Variants in FAT3 observed in about 807,000 individuals in gnomAD.
The protein encoded by FAT3 is FAT atypical cadherin 3, also known as protocadherin Fat 3.
In FAT3, 95 loss-of-function variants were observed where a neutral mutation model predicts 310.2. The observed-to-expected ratio is 0.31, with a 90% CI of 0.26 to 0.36. FAT3 has a LOEUF of 0.36. FAT3 is among the 10% of genes least tolerant of loss of function. The pLI is 1.00. For synonymous variants in FAT3, 2,314 were observed against 2,192.9 expected (o/e 1.06, Z -1.54); for missense variants, 5,408 against 5,715.6 (o/e 0.95, Z 1.74).
At chr11:92,381,347 C>T (rs933501421) in intron 2 of FAT3, among the ~76,000 whole-genome samples, 1 of 152,066 alleles carries the variant, frequency 6.6e-6, no homozygotes, top group Non-Finnish European at 1.5e-5. Flanking sequence ...AACCCTGTCT[C>T]TCCTAAAATA....
At chr11:92,746,503 G>A (rs759007562) in intron 4 of FAT3, among the ~76,000 whole-genome samples, 2 of 152,144 alleles carry the variant, frequency 1.3e-5, no homozygotes, top group East Asian at 1.9e-4. Flanking sequence ...TGGGGATATG[G>A]CCAAATCATA....
intron 3 of FAT3, among the ~76,000 whole-genome samples, chr11:92,555,669 G>C (rs1426069477): frequency 1.3e-5 from 2 of 152,206 alleles, no homozygotes; most frequent in South Asian, 2.1e-4. Flanking sequence ...GCAGTGGCCT[G>C]TGTTGACTAA....
rs139203942 is a variant in FAT3 at position 92,267,230 on chromosome 11, A to G, written c.-18+42056A>G. Among the ~76,000 whole-genome samples the G allele has an allele frequency of 1.0e-2, 1,517 of 152,264 alleles. 8 individuals carry two copies. Among genetic ancestry groups the G allele is most frequent in the Middle Eastern group, 0.017 (5 of 294 alleles). On this transcript the variant is annotated intron_variant, in intron 1 of 27. Transcript: ENST00000525166. Reference sequence around the variant, plus strand: ...TGGGGGCAAAGACAAGTTCTTATTTATTTGTATGTGCCTACATTTCTTAAA... The same window carrying G: ...TGGGGGCAAAGACAAGTTCTTATTTGTTTGTATGTGCCTACATTTCTTAAA...
intron 2 of FAT3, among the ~76,000 whole-genome samples, chr11:92,361,676 T>G (rs189949040): frequency 6.6e-6 from 1 of 152,228 alleles, no homozygotes; most frequent in Non-Finnish European, 1.5e-5. Context: ...TAAGGTTTTT[T>G]TTTTTATAGC....
chr11:92,619,978 A>G (rs749444901), intron 3 of FAT3, among the ~76,000 whole-genome samples: 5 of 152,116 alleles, frequency 3.3e-5, no homozygotes, highest in Non-Finnish European at 4.4e-5. Context: ...AGTCATTTAT[A>G]GCTATCAGTT....
intron 1 of FAT3, among the ~76,000 whole-genome samples, chr11:92,250,226 T>C (rs1865083821): frequency 6.6e-6 from 1 of 152,172 alleles, no homozygotes; most frequent in South Asian, 2.1e-4. Context: ...CATCTAAGTT[T>C]TTAATTGTAA....
intron 1 of FAT3, among the ~76,000 whole-genome samples, chr11:92,315,502 TATATATATATAGAGAGAGAGAG>T (rs1947425244): frequency 1.1e-5 from 1 of 91,760 alleles, no homozygotes; most frequent in African/African-American, 4.2e-5. Flanking sequence ...TATATATATA[TATATATATATAGAGAGAGAGAG>T]AGAGAGAGAG....
At position 92,844,004 on chromosome 11, in the gene FAT3, C is replaced by T. The variant is rs1437635697; in HGVS notation, c.10637C>T (p.Thr3546Ile). 2 of 1,613,958 alleles carry T rather than the reference C, an allele frequency of 1.2e-6. No homozygotes were observed. The highest frequency in any genetic ancestry group is 1.7e-5 in the Admixed American group (1 of 60,024). ...CGCGTGCGAGTCATTGAGGAAAGCA[C>T]CCACAAGCCCACAGCCATTCCCCTG... ...YIRVRVIEES[T>I]HKPTAIPLEI... Residue 3546 changes from threonine (T) to isoleucine (I), a missense_variant, in exon 19 of 28, where the codon ACC becomes ATC. By Grantham distance (89) the Thr-to-Ile change is moderately conservative. This residue lies in a region of FAT3 where 4,588 missense variants were observed against 4,809.8 expected (regional missense o/e 0.95). Coordinates refer to ENST00000525166, the MANE Select transcript of FAT3 (RefSeq NM_001367949.2).
chr11:92,815,387 C>G (rs1202588966), intron 13 of FAT3, among the ~76,000 whole-genome samples: 1 of 151,998 alleles, frequency 6.6e-6, no homozygotes, highest in Non-Finnish European at 1.5e-5. Context: ...TCCTGGCTAA[C>G]ACAGTGAAAC....
At chr11:92,577,167 G>C (rs1303750399) in intron 3 of FAT3, among the ~76,000 whole-genome samples, 1 of 151,988 alleles carries the variant, frequency 6.6e-6, no homozygotes, top group African/African-American at 2.4e-5. Flanking sequence ...CTGTAGTGCA[G>C]TGACATGATC....
At position 92,800,650 on chromosome 11, in the gene FAT3, T is replaced by C. The variant is rs1456981038; in HGVS notation, c.7637T>C (p.Ile2546Thr). The C allele has an allele frequency of 6.2e-7, 1 of 1,613,730 alleles. No homozygotes were observed. Among genetic ancestry groups the C allele is most frequent in the Non-Finnish European group, 8.5e-7 (1 of 1,179,814 alleles). The change falls in exon 10 of 28, where the codon ATA becomes ACA. Residue 2546 changes from isoleucine to threonine, a missense_variant. Around this residue, in one of 5 missense-constraint regions of FAT3, gnomAD observed 4,588 missense variants for 4,809.8 expected, o/e 0.95. Coordinates refer to ENST00000525166, the MANE Select transcript of FAT3 (RefSeq NM_001367949.2). Reference sequence around the variant, plus strand: ...GACTTTGCCAAGGATCGATTCCTCATAGACAGCAATGGGCAGGTCATCACC... The same window carrying C: ...GACTTTGCCAAGGATCGATTCCTCACAGACAGCAATGGGCAGGTCATCACC... Reference protein sequence around the residue: ...INDFAKDRFLIDSNGQVITTE... With the variant: ...INDFAKDRFLTDSNGQVITTE...
intron 3 of FAT3, among the ~76,000 whole-genome samples, chr11:92,675,244 A>T (rs944022019): frequency 1.2e-4 from 18 of 152,360 alleles, no homozygotes; most frequent in Non-Finnish European, 2.2e-4. Context: ...TTTAGAGAGC[A>T]TCTCATCTGT....
chr11:92,412,728 TATATATATATATATATAA>T (rs750778499), intron 2 of FAT3, among the ~76,000 whole-genome samples: 1,658 of 45,908 alleles, frequency 0.036, 241 homozygotes, highest in African/African-American at 0.09. Flanking sequence ...TATATATATA[TATATATATATATATATAA>T]ATATACATAC....
Position 92,867,205 on chromosome 11 carries a change from G to C in FAT3, c.12123G>C (p.Ser4041=), listed in dbSNP as rs531801730. 24 of 1,568,480 alleles carry C rather than the reference G, an allele frequency of 1.5e-5. No individual in the cohort carries two copies. In the South Asian group the frequency reaches 2.2e-4, roughly 14 times the overall value. Reference sequence around the variant, plus strand: ...GGGGCAGCTGCACTGGCCTGCCATCGGGGGGTGAGTGTGGCTACGCAGTGG... The same window carrying C: ...GGGGCAGCTGCACTGGCCTGCCATCCGGGGGTGAGTGTGGCTACGCAGTGG... ...QHGGSCTGLP[S]GGYQCTCLSQ... Residue 4041 remains serine (S), a synonymous_variant, in exon 22 of 28, where the codon TCG becomes TCC. Coordinates refer to ENST00000525166, the MANE Select transcript of FAT3 (RefSeq NM_001367949.2).
rs1948638509 is a variant in FAT3, at chr11:92,353,726, C to A, written c.1614C>A (p.Ser538=). Residue 538 remains serine, a synonymous_variant, in exon 2 of 28, where the codon TCC becomes TCA. Transcript: ENST00000525166. ...ISTTEELDFE[S]SPEIYRFIVR... is the part of the protein sequence containing the mutation. ...CAACTGAAGAACTGGATTTTGAATC[C>A]TCCCCAGAAATTTACAGATTCATTG... is the stretch of plus-strand genomic sequence containing the variant. The A allele has an allele frequency of 1.2e-6, 2 of 1,613,732 alleles. No individual in the cohort carries two copies. The highest frequency in any genetic ancestry group is 8.5e-7 in the Non-Finnish European group (1 of 1,179,882).
At chr11:92,475,359 A>G (rs73550919) in intron 2 of FAT3, among the ~76,000 whole-genome samples, 4,230 of 152,036 alleles carry the variant, frequency 0.028, 201 homozygotes, top group African/African-American at 0.097. Flanking sequence ...TGGGCTGTCT[A>G]TTTTTTTGTC....
intron 4 of FAT3, among the ~76,000 whole-genome samples, chr11:92,714,100 G>A (rs1944603659): frequency 1.3e-5 from 2 of 152,058 alleles, no homozygotes; most frequent in South Asian, 4.1e-4. Context: ...CTACTGCTGT[G>A]GTTTCTTTTT....
chr11:92,289,212 G>A (rs1036828991), intron 1 of FAT3, among the ~76,000 whole-genome samples: 4 of 152,080 alleles, frequency 2.6e-5, no homozygotes, highest in Non-Finnish European at 5.9e-5. Context: ...TTTAGTTTTT[G>A]AAGGGTTAAT....
At position 92,693,929 on chromosome 11, in the gene FAT3, T is replaced by TATTC. The variant is rs201617640; in HGVS notation, c.3608-3436_3608-3433dup. Among the ~76,000 whole-genome samples, 206 of 152,242 alleles carry TATTC rather than the reference T, an allele frequency of 1.4e-3. 1 individual carries two copies. Among genetic ancestry groups the TATTC allele is most frequent in the East Asian group, 0.012 (62 of 5,178 alleles). ...TGCCTGAGGCCTAAACTAACTAACCTATTCATTCATTCATTCATTCATGTA... is the reference window on the plus strand; with the variant it reads ...TGCCTGAGGCCTAAACTAACTAACCTATTCATTCATTCATTCATTCATTCATGTA... On this transcript the variant is annotated intron_variant, in intron 3 of 27. Transcript: ENST00000525166.
Sources: allele counts gnomAD v4.1 joint callset (sites outside exome capture counted in the v4.1 genomes callset), GRCh38; gene constraint gnomAD v4.1.1; regional missense constraint gnomAD v4.1.1; transcripts MANE v1.5; gene names NCBI Gene and HGNC (gene_info 2026-07-23, HGNC 2026-07-21).